Variants in TTYH1 observed in about 807,000 individuals in gnomAD.
The protein encoded by TTYH1 is protein tweety homolog 1.
TTYH1 carries 33 observed loss-of-function variants against 61.2 expected under a neutral mutation model. The ratio of observed to expected loss-of-function variants is 0.54; its 90% confidence interval spans 0.41 to 0.72. The LOEUF is 0.72. Ranked by LOEUF, TTYH1 falls within the 30% of genes least tolerant of loss-of-function variation. The pLI, the probability that TTYH1 is intolerant of heterozygous loss-of-function variation, is 0.00. For synonymous variants in TTYH1, 308 were observed against 266.4 expected (o/e 1.16, Z -1.52); for missense variants, 538 against 575.8 (o/e 0.93, Z 0.67).
At chr19:54,426,356 T>C (rs1484564271) in intron 4 of TTYH1, 3 of 370,240 alleles carry the variant, frequency 8.1e-6, no homozygotes, top group African/African-American at 6.1e-5. Flanking sequence ...AGGGTGGGGT[T>C]GGGGATGGGG....
At chr19:54,426,645 G>A in intron 4 of TTYH1, 28 bp from the exon 5 acceptor site, 2 of 1,601,454 alleles carry the variant, frequency 1.2e-6, no homozygotes, top group East Asian at 2.2e-5. Context: ...CAGGTTTGTG[G>A]TTTCAGCCCT....
chr19:54,424,531 G>A (rs1024914682), intron 4 of TTYH1, among the ~76,000 whole-genome samples: 1 of 152,226 alleles, frequency 6.6e-6, no homozygotes, highest in Non-Finnish European at 1.5e-5. Flanking sequence ...GTTTGAAGAA[G>A]TCCAGGTTCT....
chr19:54,431,222 C>T (rs765584790), intron 10 of TTYH1, 31 bp downstream of exon 10: 53 of 1,521,384 alleles, frequency 3.5e-5, no homozygotes, highest in Non-Finnish European at 5.5e-6. Context: ...ATTTCTTCTC[C>T]CACGGGGGGC....
chr19:54,428,459 C>G (rs1471081032), intron 5 of TTYH1, among the ~76,000 whole-genome samples: 1 of 152,010 alleles, frequency 6.6e-6, no homozygotes, highest in Non-Finnish European at 1.5e-5. Context: ...CTCCTGGCCT[C>G]AAGTGATCAG....
rs774340255 is a variant in TTYH1 at position 54,415,727 on chromosome 19, C to T, written c.126+49C>T. 10 of 1,465,452 alleles carry T rather than the reference C, an allele frequency of 6.8e-6. No individual in the cohort carries two copies. In the East Asian group the frequency reaches 2.6e-4, roughly 39 times the overall value. 90.8% of individuals were successfully genotyped at this position (1,465,452 alleles called of 1,614,324 possible). On this transcript the variant is annotated intron_variant, in intron 1 of 13. Transcript: ENST00000376530. This position sits in a 1 kb window ranked among gnomAD's most constrained non-coding sequence, Gnocchi z 5.2. ...GGGGCCAGGGCTGGGGGCCGGAGCT[C>T]CTGGGTCCCGAGGGAGAAGGGGGCT...
rs763558195 is a variant in TTYH1 at position 54,436,171 on chromosome 19, G to A, written c.*42G>A. On this transcript the variant is annotated splice_region_variant and 3_prime_UTR_variant, in exon 13 of 14. Coordinates refer to ENST00000376530, the MANE Select transcript of TTYH1 (RefSeq NM_020659.4). This position sits in a 1 kb window ranked among gnomAD's most constrained non-coding sequence, Gnocchi z 4.3. ...GGACTGGAGCCTGGCTCCCCTCTTC[G>A]GTGAGCTTCCAAGGGCCACCCCAGC... is the stretch of plus-strand genomic sequence containing the variant. 6 of 1,613,830 alleles carry A rather than the reference G, an allele frequency of 3.7e-6. No individual in the cohort carries two copies. In the South Asian group the frequency reaches 4.4e-5, roughly 12 times the overall value.
At chr19:54,432,238 C>T (rs1264163768) in intron 10 of TTYH1, 1 of 152,116 alleles carries the variant, frequency 6.6e-6, no homozygotes, top group East Asian at 1.9e-4. Context: ...ACAAACAAAA[C>T]CAGTAAGAGC....
rs1272025548 is a variant in TTYH1 at position 54,419,048 on chromosome 19, C to T, written c.127-80C>T. The T allele has an allele frequency of 2.0e-5, 28 of 1,433,520 alleles. No individual in the cohort carries two copies. The highest frequency in any genetic ancestry group is 1.2e-4 in the South Asian group (9 of 75,040). 88.8% of individuals were successfully genotyped at this position (1,433,520 alleles called of 1,614,324 possible). A position where few individuals can be genotyped will look rare whatever the true frequency, so the allele number is the denominator to read the frequency against. On this transcript the variant is annotated intron_variant, in intron 1 of 13. Coordinates refer to ENST00000376530, the MANE Select transcript of TTYH1 (RefSeq NM_020659.4). The surrounding 1 kb of genome is among the most constrained non-coding windows in gnomAD (Gnocchi z 6.1). The stretch of plus-strand genomic sequence containing the variant: ...TCACTCTGACATCCCAGACCCCGAC[C>T]CCCCAGCCACGCAGGAAGGGGGATC...
Position 54,415,610 on chromosome 19 carries a change from C to A in TTYH1, c.58C>A (p.Pro20Thr). 6.4e-7 allele frequency: 1 copy of A among 1,558,582 alleles called. No homozygotes were observed. Among genetic ancestry groups the A allele is most frequent in the Non-Finnish European group, 8.6e-7 (1 of 1,159,560 alleles). ...TTGGGTGCATCTCCTCCACCAGCTGCCCCGCGCCGACTTCCAGCTCCGCCC... is the reference window on the plus strand; with the variant it reads ...TTGGGTGCATCTCCTCCACCAGCTGACCCGCGCCGACTTCCAGCTCCGCCC... ...SAWVHLLHQL[P>T]RADFQLRPVP... The change falls in exon 1 of 14, where the codon CCC becomes ACC. Residue 20 changes from proline (P) to threonine (T), a missense_variant. This residue lies in a region of TTYH1 where 157 missense variants were observed against 157.0 expected (regional missense o/e 1.00). Coordinates refer to ENST00000376530, the MANE Select transcript of TTYH1 (RefSeq NM_020659.4). The surrounding 1 kb of genome is among the most constrained non-coding windows in gnomAD (Gnocchi z 5.2).
chr19:54,434,646 T>C lies in TTYH1; in HGVS notation c.1126-896T>C, dbSNP rs2083503283. ...CAACCCCCACTGAATACATACGCTG[T>C]GCAGGTGCTTAGCACTCGGTGAAGG... is the stretch of plus-strand genomic sequence containing the variant. On this transcript the variant is annotated intron_variant, in intron 10 of 13. Coordinates refer to ENST00000376530, the MANE Select transcript of TTYH1 (RefSeq NM_020659.4). The surrounding 1 kb of genome is among the most constrained non-coding windows in gnomAD (Gnocchi z 4.3). 1 of 152,270 alleles carries C rather than the reference T, an allele frequency of 6.6e-6. No individual in the cohort carries two copies. The highest frequency in any genetic ancestry group is 1.5e-5 in the Non-Finnish European group (1 of 68,086). 9.4% of individuals were successfully genotyped at this position (152,270 alleles called of 1,614,324 possible). A position where few individuals can be genotyped will look rare whatever the true frequency, so the allele number is the denominator to read the frequency against.
rs771577867 is a variant in TTYH1, at chr19:54,430,592, A to T, written c.926A>T (p.Asn309Ile). Reference protein sequence around the residue: ...YYLLCNRAVSNPFQQRLTLSQ... With the variant: ...YYLLCNRAVSIPFQQRLTLSQ... ...CTCCTCTGCAACCGGGCCGTCTCCA[A>T]CCCCTTCCAACAGGTTAGGGCTGCG... The change falls in exon 8 of 14, where the codon AAC becomes ATC. Residue 309 changes from asparagine to isoleucine, a missense_variant. By Grantham distance (149) the Asn-to-Ile change is moderately radical (BLOSUM62 -3). This residue lies in a region of TTYH1 where 378 missense variants were observed against 401.2 expected (regional missense o/e 0.94). Transcript: ENST00000376530. The T allele has an allele frequency of 1.9e-6, 3 of 1,548,366 alleles. No homozygotes were observed. The highest frequency in any genetic ancestry group is 1.5e-5 in the African/African-American group (1 of 68,876).
At chr19:54,426,846 C>T (rs1599902316) in intron 5 of TTYH1, 78 bp downstream of exon 5, 3 of 1,318,914 alleles carry the variant, frequency 2.3e-6, no homozygotes, top group Non-Finnish European at 3.2e-6. Flanking sequence ...TACAACTCTC[C>T]TACACGGAGG....
rs758171214 is a variant in TTYH1 at position 54,419,230 on chromosome 19, C to T, written c.229C>T (p.Pro77Ser). 16 of 1,609,240 alleles carry T rather than the reference C, an allele frequency of 9.9e-6. No individual in the cohort carries two copies. Among genetic ancestry groups the T allele is most frequent in the South Asian group, 5.5e-5 (5 of 91,076 alleles). Reference protein sequence around the residue: ...IRFCCCRPPEPPGSKIPSPGG... With the variant: ...IRFCCCRPPESPGSKIPSPGG... ...CTTCTGCTGCTGCCGGCCCCCCGAG[C>T]CCCCCGGGTCCAAGATCCCCTCGCC... Residue 77 changes from proline to serine, a missense_variant, in exon 2 of 14, where the codon CCC becomes TCC. Pro to Ser is a moderately conservative substitution (Grantham distance 74). This residue lies in a region of TTYH1 where 157 missense variants were observed against 157.0 expected (regional missense o/e 1.00). Coordinates refer to ENST00000376530, the MANE Select transcript of TTYH1 (RefSeq NM_020659.4). The surrounding 1 kb of genome is among the most constrained non-coding windows in gnomAD (Gnocchi z 6.1).
chr19:54,425,661 T>C (rs1409975891), intron 4 of TTYH1, among the ~76,000 whole-genome samples: 1 of 152,100 alleles, frequency 6.6e-6, no homozygotes, highest in Non-Finnish European at 1.5e-5. Flanking sequence ...CTTGCATGCT[T>C]GCACCTCCTG....
In TTYH1 at chr19:54,434,901, C is replaced by A; in HGVS notation, c.1126-641C>A. The A allele has an allele frequency of 6.6e-6, 1 of 152,482 alleles. No individual in the cohort carries two copies. 9.4% of individuals were successfully genotyped at this position (152,482 alleles called of 1,614,324 possible). ...CGAGTTGCTGTTGGTTGTCACACTG[C>A]AGGAGGGGGTGCTCCTGGCATCTGG... On this transcript the variant is annotated intron_variant, in intron 10 of 13. Transcript: ENST00000376530. This position sits in a 1 kb window ranked among gnomAD's most constrained non-coding sequence, Gnocchi z 4.3.
Position 54,416,677 on chromosome 19 carries a change from G to A in TTYH1, c.126+999G>A. 6 of 1,141,766 alleles carry A rather than the reference G, an allele frequency of 5.3e-6. No individual in the cohort carries two copies. The highest frequency in any genetic ancestry group is 6.9e-6 in the Non-Finnish European group (6 of 866,076). 70.7% of individuals were successfully genotyped at this position (1,141,766 alleles called of 1,614,324 possible). A position where few individuals can be genotyped will look rare whatever the true frequency, so the allele number is the denominator to read the frequency against. On this transcript the variant is annotated intron_variant, in intron 1 of 13. Coordinates refer to ENST00000376530, the MANE Select transcript of TTYH1 (RefSeq NM_020659.4). This position sits in a 1 kb window ranked among gnomAD's most constrained non-coding sequence, Gnocchi z 7.0. ...GAAAAGCGCGGAGGGGATGAGTGCT[G>A]TGTTCTGAGCTATTTGGGTCACGGC...
chr19:54,429,350 T>TC lies in TTYH1; in HGVS notation c.780dup (p.Met261HisfsTer13). 6.2e-7 allele frequency: 1 copy of TC among 1,613,976 alleles called. No homozygotes were observed. Among genetic ancestry groups the TC allele is most frequent in the Non-Finnish European group, 8.5e-7 (1 of 1,180,000 alleles). Reference sequence around the variant, plus strand: ...CCTGGTTCTCGTCCTGAGCTGGGGCTCCATGGGCCTGGAGGCAGCCACGGC... The same window carrying TC: ...CCTGGTTCTCGTCCTGAGCTGGGGCTCCCATGGGCCTGGAGGCAGCCACGGC... On this transcript the variant is annotated frameshift_variant, in exon 6 of 14. Transcript: ENST00000376530. LOFTEE classifies it high-confidence loss of function. The surrounding 1 kb of genome is among the most constrained non-coding windows in gnomAD (Gnocchi z 5.1).
chr19:54,435,631 G>A lies in TTYH1; in HGVS notation c.1215G>A (p.Ala405=), dbSNP rs149599438. 242 of 1,611,848 alleles carry A rather than the reference G, an allele frequency of 1.5e-4. 5 individuals carry two copies. In the South Asian group the frequency reaches 2.0e-3, roughly 13 times the overall value. ...LLLFSLLSAG[A]LATALCSLPR... ...TCTTCTCCCTGCTGTCTGCAGGAGC[G>A]CTGGCCACTGCCCTCTGCAGCCTGC... The change falls in exon 11 of 14, where the codon GCG becomes GCA. Residue 405 remains alanine, a synonymous_variant. Coordinates refer to ENST00000376530, the MANE Select transcript of TTYH1 (RefSeq NM_020659.4).
chr19:54,416,568 C>T lies in TTYH1; in HGVS notation c.126+890C>T. The T allele has an allele frequency of 2.7e-6, 1 of 370,778 alleles. No homozygotes were observed. Among genetic ancestry groups the T allele is most frequent in the Non-Finnish European group, 4.9e-6 (1 of 203,080 alleles). 23.0% of individuals were successfully genotyped at this position (370,778 alleles called of 1,614,324 possible). A position where few individuals can be genotyped will look rare whatever the true frequency, so the allele number is the denominator to read the frequency against. ...CGGGTCCTGGCCCTGCTGATGGGGCCTGAGCCCCTGGGCTCCGTCTTGGGT... is the reference window on the plus strand; with the variant it reads ...CGGGTCCTGGCCCTGCTGATGGGGCTTGAGCCCCTGGGCTCCGTCTTGGGT... On this transcript the variant is annotated intron_variant, in intron 1 of 13. Transcript: ENST00000376530. This position sits in a 1 kb window ranked among gnomAD's most constrained non-coding sequence, Gnocchi z 7.0.
Sources: gnomAD v4.1 joint callset for allele counts (sites outside exome capture counted in the v4.1 genomes callset) on GRCh38, gnomAD v4.1.1 for gene constraint, gnomAD v4.1.1 regional missense constraint, Gnocchi (gnomAD v3.1) non-coding constraint, MANE v1.5 for transcripts, NCBI Gene and HGNC (gene_info 2026-07-23, HGNC 2026-07-21) for gene names.